DERL2: variants seen among roughly 807,000 people sequenced by gnomAD.
DERL2 encodes the protein derlin-2.
In DERL2, 13 loss-of-function variants were observed where a neutral mutation model predicts 32.0. The observed-to-expected ratio is 0.41, with a 90% CI of 0.26 to 0.65. The LOEUF is 0.65. DERL2 is among the 30% of genes least tolerant of loss of function. The probability of loss-of-function intolerance (pLI) is 0.35; values close to 1 mark genes in which losing one functional copy is unlikely to be tolerated. For synonymous variants in DERL2, 111 were observed against 104.7 expected (o/e 1.06, Z -0.37); for missense variants, 208 against 296.3 (o/e 0.70, Z 2.19).
Position 5,472,307 on chromosome 17 carries a change from G to A in DERL2, c.*2377C>T, listed in dbSNP as rs928581041. 4 of 152,326 alleles carry A rather than the reference G, an allele frequency of 2.6e-5. No individual in the cohort carries two copies. Among genetic ancestry groups the A allele is most frequent in the South Asian group, 4.1e-4 (2 of 4,828 alleles). 9.4% of individuals were successfully genotyped at this position (152,326 alleles called of 1,614,324 possible). ...ATCTCACTTTCAGTTTATTTGCATT[G>A]TGAAAGGGAAGTGTGTTCTGGAAGA... On this transcript the variant is annotated 3_prime_UTR_variant, in exon 7 of 7. Transcript: ENST00000158771.
chr17:5,485,197 G>A lies in DERL2; in HGVS notation c.113C>T (p.Pro38Leu). 1 of 1,594,448 alleles carries A rather than the reference G, an allele frequency of 6.3e-7. No homozygotes were observed. The highest frequency in any genetic ancestry group is 8.5e-7 in the Non-Finnish European group (1 of 1,172,288). ...TAAVQLELIT[P>L]FQLYFNPELI... is the part of the protein sequence containing the mutation. ...TTCAGGATTGAAGTACAACTGAAAA[G>A]GTGTGATCAATTCCAACTGCTGAAA... Residue 38 changes from proline (P) to leucine (L), a missense_variant, in exon 2 of 7, where the codon CCT (proline) becomes CTT (leucine). Pro to Leu is a moderately conservative substitution (Grantham distance 98, BLOSUM62 -3). This residue lies in a region of DERL2 where 124 missense variants were observed against 215.3 expected (regional missense o/e 0.58). Coordinates refer to ENST00000158771, the MANE Select transcript of DERL2 (RefSeq NM_016041.5).
At chr17:5,479,258 G>C (rs1905596430) in intron 6 of DERL2, among the ~76,000 whole-genome samples, 2 of 152,132 alleles carry the variant, frequency 1.3e-5, no homozygotes, top group African/African-American at 4.8e-5. Flanking sequence ...ACATTGAAAA[G>C]TTAACAATGG....
In DERL2 at chr17:5,477,426, C is replaced by A. The variant is rs529391498; in HGVS notation, c.614+2628G>T. 2.0e-5 allele frequency among the ~76,000 whole-genome samples: 3 copies of A among 152,272 alleles called. No homozygotes were observed. The South Asian group carries it at 6.2e-4, about 32-fold the overall frequency. On this transcript the variant is annotated intron_variant, in intron 6 of 6. Coordinates refer to ENST00000158771, the MANE Select transcript of DERL2 (RefSeq NM_016041.5). ...TGGTAATTTTCTGTCTTGATAGATA[C>A]ACAGATGTGTGCATTTATAAAAACT...
chr17:5,483,688 T>C (rs901560183), intron 2 of DERL2, among the ~76,000 whole-genome samples: 2 of 152,146 alleles, frequency 1.3e-5, no homozygotes, highest in Non-Finnish European at 2.9e-5. Context: ...CAGCTAAAAG[T>C]TGAACTTTTA....
upstream of DERL2, chr17:5,486,181 C>T (rs567038866): frequency 8.0e-6 from 8 of 995,098 alleles, no homozygotes; most frequent in Admixed American, 9.4e-5. Context: ...CGTCGCCTGC[C>T]CCACCCCCCA....
At chr17:5,478,541 G>T (rs892407185) in intron 6 of DERL2, among the ~76,000 whole-genome samples, 2 of 152,218 alleles carry the variant, frequency 1.3e-5, no homozygotes, top group Non-Finnish European at 2.9e-5. Context: ...TAGTTGAAAT[G>T]TAAACCTGAA....
intron 4 of DERL2, 49 bp from the exon 5 acceptor site, chr17:5,480,631 A>G: frequency 7.1e-7 from 1 of 1,404,200 alleles, no homozygotes; most frequent in Non-Finnish European, 9.4e-7. Flanking sequence ...TTTAATAGGA[A>G]AGACTGAGCA....
intron 6 of DERL2, among the ~76,000 whole-genome samples, chr17:5,478,858 C>T (rs938066480): frequency 6.6e-6 from 1 of 152,188 alleles, no homozygotes; most frequent in South Asian, 2.1e-4. Context: ...GCCACTCTGT[C>T]CCCCAGCCCG....
intron 6 of DERL2, among the ~76,000 whole-genome samples, chr17:5,479,496 T>TAAAA (rs11306765): frequency 0.02 from 1,401 of 68,846 alleles, 1 homozygote; most frequent in Non-Finnish European, 0.034. Context: ...AGACTCCATG[T>TAAAA]AAAAAAAAAA....
In DERL2 at chr17:5,474,808, A is replaced by G. The variant is rs944005426; in HGVS notation, c.615-19T>C. On this transcript the variant is annotated intron_variant, in intron 6 of 6. Coordinates refer to ENST00000158771, the MANE Select transcript of DERL2 (RefSeq NM_016041.5). The surrounding 1 kb of genome is among the most constrained non-coding windows in gnomAD (Gnocchi z 4.3). ...AGCTTTCCTAAAAGACAAGCAACAG[A>G]TATAATTTGGTCCCAGAGTCATCTC... The G allele has an allele frequency of 8.7e-6, 14 of 1,604,490 alleles. No homozygotes were observed. The highest frequency in any genetic ancestry group is 3.3e-4 in the Middle Eastern group (2 of 6,042).
upstream of DERL2, chr17:5,486,417 A>G (rs1906321632): frequency 4.5e-6 from 2 of 447,118 alleles, no homozygotes; most frequent in Non-Finnish European, 8.2e-6. Context: ...TCCGGGAAAA[A>G]CGAGTAAGTA....
At chr17:5,482,669 A>G in intron 3 of DERL2, 140 bp downstream of exon 3, 1 of 575,800 alleles carries the variant, frequency 1.7e-6, no homozygotes, top group Non-Finnish European at 3.2e-6. Context: ...TTACTACCTA[A>G]GCAACTACTT....
intron 6 of DERL2, among the ~76,000 whole-genome samples, chr17:5,476,600 G>C (rs775096971): frequency 1.7e-4 from 26 of 152,230 alleles, no homozygotes; most frequent in Non-Finnish European, 1.5e-4. Context: ...TGACCAACAT[G>C]GCAAAACCCT....
chr17:5,486,712 TGAG>T (rs1906353803), upstream of DERL2: 1 of 152,650 alleles, frequency 6.6e-6, no homozygotes, highest in African/African-American at 2.4e-5. Context: ...GCATTTTCTC[TGAG>T]GAGGAGCGGG....
chr17:5,486,357 C>CA, upstream of DERL2: 1 of 285,994 alleles, frequency 3.5e-6, no homozygotes, highest in South Asian at 4.2e-5. Context: ...GTCGCCACCG[C>CA]CCCCCCCCAG....
intron 6 of DERL2, among the ~76,000 whole-genome samples, chr17:5,476,003 AT>A (rs1227823239): frequency 4.6e-5 from 7 of 152,204 alleles, no homozygotes; most frequent in African/African-American, 1.7e-4. Flanking sequence ...GCAAAACAGT[AT>A]GAATATACTT....
intron 6 of DERL2, among the ~76,000 whole-genome samples, chr17:5,478,984 T>A (rs1006483019): frequency 2.0e-5 from 3 of 152,122 alleles, no homozygotes; most frequent in African/African-American, 7.2e-5. Flanking sequence ...CATATGCAGC[T>A]GATTTTGGGA....
At chr17:5,486,363 C>CA (rs1001075134), upstream of DERL2, 58 of 506,904 alleles carry the variant, frequency 1.1e-4, no homozygotes, top group Middle Eastern at 1.1e-3. Flanking sequence ...ACCGCCCCCC[C>CA]CCAGCGCCCC....
At chr17:5,485,675 C>G (rs1334885590) in intron 1 of DERL2, among the ~76,000 whole-genome samples, 1 of 152,130 alleles carries the variant, frequency 6.6e-6, no homozygotes. Context: ...TTATTATAAG[C>G]CATTCCCCTC....
Sources: gnomAD v4.1 joint callset for allele counts (sites outside exome capture counted in the v4.1 genomes callset) on GRCh38, gnomAD v4.1.1 for gene constraint, gnomAD v4.1.1 regional missense constraint, Gnocchi (gnomAD v3.1) non-coding constraint, MANE v1.5 for transcripts, NCBI Gene and HGNC (gene_info 2026-07-23, HGNC 2026-07-21) for gene names.